Variants in TRPM2 observed in about 807,000 individuals in gnomAD.
TRPM2 encodes the protein transient receptor potential cation channel subfamily M member 2.
In TRPM2, 161 loss-of-function variants were observed where a neutral mutation model predicts 174.0. The ratio of observed to expected loss-of-function variants is 0.93; its 90% CI spans 0.81 to 1.05. The LOEUF is 1.05. TRPM2 is among the 50% of genes least tolerant of loss of function. The pLI is 0.00. For synonymous variants in TRPM2, 954 were observed against 861.3 expected, an observed-to-expected ratio of 1.11 and a Z score of -1.88; for missense variants, 2,057 against 2,038.0, an observed-to-expected ratio of 1.01 and a Z score of -0.18.
chr21:44,394,100 A>G (rs2049264131), intron 11 of TRPM2, among the ~76,000 whole-genome samples: 1 of 151,934 alleles, frequency 6.6e-6, no homozygotes, highest in Non-Finnish European at 1.5e-5. Context: ...GGATCTCCTG[A>G]CCTTAGGATC....
At position 44,391,351 on chromosome 21, in the gene TRPM2, G is replaced by A; in HGVS notation, c.1520G>A (p.Gly507Glu). 8 of 1,614,182 alleles carry A rather than the reference G, an allele frequency of 5.0e-6. No individual in the cohort carries two copies. The highest frequency in any genetic ancestry group is 6.8e-6 in the Non-Finnish European group (8 of 1,180,046). Residue 507 changes from glycine to glutamate, a missense_variant, in exon 11 of 32, where the codon GGG (glycine) becomes GAG (glutamate). Transcript: ENST00000397928. The surrounding 1 kb of genome is among the most constrained non-coding windows in gnomAD (Gnocchi z 5.0). Reference sequence around the variant, plus strand: ...TTTGTGAAGCTCTTCCTGGAGAACGGGGTGCAGCTGAAGGAGTTTGTCACC... The same window carrying A: ...TTTGTGAAGCTCTTCCTGGAGAACGAGGTGCAGCTGAAGGAGTTTGTCACC... The part of the protein sequence containing the change: ...PEFVKLFLEN[G>E]VQLKEFVTWD...
intron 27 of TRPM2, among the ~76,000 whole-genome samples, chr21:44,428,791 TCCCTGAGGTCTGGCTCCTCCCTG>T (rs2050924438): frequency 8.5e-6 from 1 of 117,758 alleles, no homozygotes; most frequent in African/African-American, 3.3e-5. Context: ...TGTGGCTCCT[TCCCTGAGGTCTGGCTCCTCCCTG>T]AGGTGTGGCT....
chr21:44,372,864 G>A (rs929633560), intron 5 of TRPM2, among the ~76,000 whole-genome samples: 4 of 152,120 alleles, frequency 2.6e-5, no homozygotes, highest in African/African-American at 7.2e-5. Context: ...CCTTCAGGAC[G>A]ATCCTTTTCC....
In TRPM2 at chr21:44,427,045, T is replaced by C. The variant is rs1164221067; in HGVS notation, c.3908T>C (p.Val1303Ala). 5.6e-6 allele frequency: 9 copies of C among 1,607,254 alleles called. No homozygotes were observed. Among genetic ancestry groups the C allele is most frequent in the African/African-American group, 1.3e-5 (1 of 74,954 alleles). The stretch of plus-strand genomic sequence containing the variant: ...CCACTGTCCACGATCCAGTACAACG[T>C]GGTGGATGGCCTGAGGGACCGCCGG... Reference protein sequence around the residue: ...LEPLSTIQYNVVDGLRDRRSF... With the variant: ...LEPLSTIQYNAVDGLRDRRSF... The change falls in exon 27 of 32, where the codon GTG (valine) becomes GCG (alanine). Residue 1303 changes from valine to alanine, a missense_variant. Physicochemically the swap from Val to Ala is moderately conservative, Grantham distance 64. Transcript: ENST00000397928.
chr21:44,437,077 G>C lies in TRPM2; in HGVS notation c.4077G>C (p.Glu1359Asp). The C allele has an allele frequency of 6.4e-7, 1 of 1,550,888 alleles. No individual in the cohort carries two copies. The highest frequency in any genetic ancestry group is 8.7e-7 in the Non-Finnish European group (1 of 1,146,848). The change falls in exon 29 of 32, where the codon GAG (glutamate) becomes GAC (aspartate). Residue 1359 changes from glutamate to aspartate, a missense_variant. Transcript: ENST00000397928. Reference sequence around the variant, plus strand: ...CTCTCCGCAGGTGGAGGCGGAACGAGGATGGAGCCATCTGCAGGAAGAGCA... The same window carrying C: ...CTCTCCGCAGGTGGAGGCGGAACGACGATGGAGCCATCTGCAGGAAGAGCA... ...YPMVTRWRRN[E>D]DGAICRKSIK...
At position 44,418,471 on chromosome 21, in the gene TRPM2, T is replaced by A; in HGVS notation, c.3377T>A (p.Ile1126Asn). The change falls in exon 22 of 32, where the codon ATC (isoleucine) becomes AAC (asparagine). Residue 1126 changes from isoleucine (I) to asparagine (N), a missense_variant. Coordinates refer to ENST00000397928, the MANE Select transcript of TRPM2 (RefSeq NM_003307.4). ...NEEAALLSWE[I>N]YLKENYLQNR... ...GAGGCGGCCCTGCTATCCTGGGAGA[T>A]CTACCTGAAGGAGAACTACCTCCAG... The A allele has an allele frequency of 6.2e-7, 1 of 1,613,948 alleles. No homozygotes were observed.
chr21:44,391,256 C>T lies in TRPM2; in HGVS notation c.1441-16C>T. 6.2e-7 allele frequency: 1 copy of T among 1,605,596 alleles called. No homozygotes were observed. The highest frequency in any genetic ancestry group is 8.5e-7 in the Non-Finnish European group (1 of 1,174,248). Reference sequence around the variant, plus strand: ...ATGACCAAATGCAACCGTCACTGCACAATGCTTGCTCTCAGCCTTCAGATC... The same window carrying T: ...ATGACCAAATGCAACCGTCACTGCATAATGCTTGCTCTCAGCCTTCAGATC... On this transcript the variant is annotated splice_polypyrimidine_tract_variant and intron_variant, in intron 10 of 31. Coordinates refer to ENST00000397928, the MANE Select transcript of TRPM2 (RefSeq NM_003307.4). This position sits in a 1 kb window ranked among gnomAD's most constrained non-coding sequence, Gnocchi z 5.0.
chr21:44,382,203 AAC>A (rs2048902671), intron 8 of TRPM2, among the ~76,000 whole-genome samples: 1 of 152,186 alleles, frequency 6.6e-6, no homozygotes, highest in African/African-American at 2.4e-5. Flanking sequence ...ACATAGATGA[AAC>A]ACACACATGG....
rs932470047 is a variant in TRPM2, at chr21:44,399,014, T to TTC, written c.2063-281_2063-280insCT. On this transcript the variant is annotated intron_variant, in intron 13 of 31. Coordinates refer to ENST00000397928, the MANE Select transcript of TRPM2 (RefSeq NM_003307.4). The surrounding 1 kb of genome is among the most constrained non-coding windows in gnomAD (Gnocchi z 4.6). ...ATGCCCAGGAATGGACAAGGGCAGC[T>TTC]TGGAGGTTAGAGGCAAGATGGAGTC... 6.6e-6 allele frequency among the ~76,000 whole-genome samples: 1 copy of TTC among 152,142 alleles called. No individual in the cohort carries two copies. Among genetic ancestry groups the TTC allele is most frequent in the African/African-American group, 2.4e-5 (1 of 41,428 alleles).
At chr21:44,409,505 T>C (rs1177609136) in intron 19 of TRPM2, among the ~76,000 whole-genome samples, 1 of 152,094 alleles carries the variant, frequency 6.6e-6, no homozygotes, top group Non-Finnish European at 1.5e-5. Flanking sequence ...TTGACCGCAC[T>C]GTCTTGGTTG....
chr21:44,441,817 A>G lies in TRPM2; in HGVS notation c.4512A>G (p.Ter1504TrpextTer37). ...CCGCTGAGTTCGGGGCTCACTACTGACTGTGCCCTCAGGCTGGGCGGCTCC... is the reference window on the plus strand; with the variant it reads ...CCGCTGAGTTCGGGGCTCACTACTGGCTGTGCCCTCAGGCTGGGCGGCTCC... ...KAAAEFGAHY[*>W] is the part of the protein sequence containing the mutation. Residue 1504 changes from the stop codon to tryptophan (W), a stop_lost, in exon 32 of 32, where the codon TGA (stop) becomes TGG (tryptophan). Transcript: ENST00000397928. The G allele has an allele frequency of 6.2e-7, 1 of 1,601,402 alleles. No homozygotes were observed. The highest frequency in any genetic ancestry group is 8.5e-7 in the Non-Finnish European group (1 of 1,173,788).
intron 19 of TRPM2, among the ~76,000 whole-genome samples, chr21:44,412,548 G>T (rs1044603582): frequency 1.3e-5 from 2 of 151,950 alleles, no homozygotes; most frequent in African/African-American, 4.8e-5. Context: ...TTCAAGAACT[G>T]AGTTTGGTTT....
chr21:44,379,282 G>A lies in TRPM2; in HGVS notation c.1215+85G>A, dbSNP rs952803081. On this transcript the variant is annotated intron_variant, in intron 8 of 31. Coordinates refer to ENST00000397928, the MANE Select transcript of TRPM2 (RefSeq NM_003307.4). ...CCTGGTGGGCAGGACCAGGACTCAT[G>A]GACCGATGCGGAGAACCCACTGGGT... 2.0e-5 allele frequency: 29 copies of A among 1,468,174 alleles called. No homozygotes were observed. In the African/African-American group the frequency reaches 2.3e-4, roughly 12 times the overall value. 90.9% of individuals were successfully genotyped at this position (1,468,174 alleles called of 1,614,324 possible). A position where few individuals can be genotyped will look rare whatever the true frequency, so the allele number is the denominator to read the frequency against.
chr21:44,365,238 G>T (rs2048327553), intron 3 of TRPM2, among the ~76,000 whole-genome samples: 1 of 152,246 alleles, frequency 6.6e-6, no homozygotes, highest in African/African-American at 2.4e-5. Context: ...CCTTCTGGAG[G>T]GTTCTGAGAC....
intron 2 of TRPM2, among the ~76,000 whole-genome samples, chr21:44,355,669 G>A (rs1358797213): frequency 1.3e-5 from 2 of 152,150 alleles, no homozygotes; most frequent in Admixed American, 6.5e-5. Context: ...AGAGTGTTGT[G>A]TTAATTCCCA....
chr21:44,377,471 T>C (rs1365379971), intron 6 of TRPM2, among the ~76,000 whole-genome samples: 1 of 152,150 alleles, frequency 6.6e-6, no homozygotes, highest in Non-Finnish European at 1.5e-5. Flanking sequence ...GCAGGTCCCC[T>C]GGGAATGTGG....
intron 9 of TRPM2, 137 bp from the exon 10 acceptor site, chr21:44,390,767 C>A: frequency 2.5e-6 from 3 of 1,177,792 alleles, no homozygotes; most frequent in Admixed American, 4.0e-5. Flanking sequence ...GAGGAGGTCA[C>A]TGGGTGCTGC....
rs372599870 is a variant in TRPM2, at chr21:44,353,687, G to A, written c.-14G>A. On this transcript the variant is annotated 5_prime_UTR_variant, in exon 1 of 32. In the 5' UTR this introduces an upstream ATG that the reference lacks. Transcript: ENST00000397928. ...GGCAGCAGGCCTGGTTGCAGCTGGC[G>A]TGGGGGTCTCAGAATGGAGCCCTCA... 99 of 1,481,914 alleles carry A rather than the reference G, an allele frequency of 6.7e-5. No individual in the cohort carries two copies. The highest frequency in any genetic ancestry group is 8.5e-5 in the Admixed American group (3 of 35,252). The allele number at this position is 1,481,914 out of a possible 1,614,324, so 91.8% of individuals were successfully genotyped here. A position where few individuals can be genotyped will look rare whatever the true frequency, so the allele number is the denominator to read the frequency against.
intron 20 of TRPM2, chr21:44,414,805 C>G (rs1477799605): frequency 2.0e-5 from 3 of 152,140 alleles, no homozygotes; most frequent in African/African-American, 7.2e-5. Context: ...GGCGGAGTTA[C>G]TGGGACCCTG....
Sources: gnomAD v4.1 joint callset for allele counts (sites outside exome capture counted in the v4.1 genomes callset) on GRCh38, gnomAD v4.1.1 for gene constraint, Gnocchi (gnomAD v3.1) non-coding constraint, MANE v1.5 for transcripts, NCBI Gene and HGNC (gene_info 2026-07-23, HGNC 2026-07-21) for gene names.